CAMKMT: variants seen among roughly 807,000 people sequenced by gnomAD.
CAMKMT encodes the protein CaM KMT.
In CAMKMT, 53 loss-of-function variants were observed where a neutral mutation model predicts 48.0. The observed-to-expected ratio is 1.10, with a 90% confidence interval of 0.89 to 1.39. CAMKMT has a LOEUF of 1.39. CAMKMT is among the 40% of genes most tolerant of loss of function. CAMKMT has a pLI of 0.00. For missense variants in CAMKMT, 428 were observed against 402.7 expected (o/e 1.06, Z -0.54); for synonymous variants, 165 against 152.3 (o/e 1.08, Z -0.61).
chr2:44,596,878 G>T (rs990332249), intron 3 of CAMKMT, among the ~76,000 whole-genome samples: 2 of 152,062 alleles, frequency 1.3e-5, no homozygotes, highest in Admixed American at 6.6e-5. Context: ...TATTTTCATT[G>T]CCAACAGAAA....
At chr2:44,410,247 A>ATT (rs1164693728) in intron 3 of CAMKMT, among the ~76,000 whole-genome samples, 210 of 19,464 alleles carry the variant, frequency 0.011, 6 homozygotes, top group Non-Finnish European at 0.018. Flanking sequence ...ATATATATAT[A>ATT]TTTTTTTTTT....
At chr2:44,491,259 G>T (rs1237495512) in intron 3 of CAMKMT, among the ~76,000 whole-genome samples, 1 of 152,114 alleles carries the variant, frequency 6.6e-6, no homozygotes, top group African/African-American at 2.4e-5. Flanking sequence ...CCAATGGCTG[G>T]AGGGGATAGA....
At chr2:44,514,560 A>G (rs529436714) in intron 3 of CAMKMT, among the ~76,000 whole-genome samples, 1 of 152,296 alleles carries the variant, frequency 6.6e-6, no homozygotes, top group South Asian at 2.1e-4. Context: ...TTAATCAAGG[A>G]TGTCCAATTC....
chr2:44,627,923 C>G (rs1425111157), intron 3 of CAMKMT, among the ~76,000 whole-genome samples: 2 of 151,922 alleles, frequency 1.3e-5, no homozygotes, highest in African/African-American at 4.8e-5. Context: ...TGGTCTCTAA[C>G]TCCTGACCTC....
intron 3 of CAMKMT, among the ~76,000 whole-genome samples, chr2:44,664,195 A>G (rs1290311782): frequency 6.6e-6 from 1 of 152,258 alleles, no homozygotes; most frequent in Non-Finnish European, 1.5e-5. Context: ...TTGAATATAC[A>G]TTTAGTTGCC....
intron 3 of CAMKMT, among the ~76,000 whole-genome samples, chr2:44,421,258 T>G (rs1275368000): frequency 3.3e-5 from 5 of 152,200 alleles, no homozygotes; most frequent in Non-Finnish European, 5.9e-5. Flanking sequence ...AGAAAGACTT[T>G]TGTCTTTTGT....
At chr2:44,435,937 G>T (rs1666215435) in intron 3 of CAMKMT, among the ~76,000 whole-genome samples, 1 of 152,090 alleles carries the variant, frequency 6.6e-6, no homozygotes, top group African/African-American at 2.4e-5. Flanking sequence ...CATTCATTTT[G>T]CCTAGAAATC....
chr2:44,606,817 C>G (rs947482701), intron 3 of CAMKMT, among the ~76,000 whole-genome samples: 1 of 151,528 alleles, frequency 6.6e-6, no homozygotes, highest in Non-Finnish European at 1.5e-5. Context: ...GACCCCCCCC[C>G]CACCAAGATT....
At chr2:44,766,153 C>T (rs571989851) in intron 9 of CAMKMT, among the ~76,000 whole-genome samples, 2 of 152,210 alleles carry the variant, frequency 1.3e-5, no homozygotes, top group East Asian at 1.9e-4. Context: ...GCATATTGTT[C>T]GGAACACCGG....
chr2:44,508,809 G>T, intron 3 of CAMKMT, among the ~76,000 whole-genome samples: 1 of 151,968 alleles, frequency 6.6e-6, no homozygotes, highest in East Asian at 1.9e-4. Context: ...TAAATTGTAT[G>T]TCTCAGCTGG....
intron 6 of CAMKMT, among the ~76,000 whole-genome samples, chr2:44,713,087 C>A (rs1015234401): frequency 2.0e-5 from 3 of 151,912 alleles, no homozygotes; most frequent in African/African-American, 7.3e-5. Context: ...TAAAAAATTG[C>A]TTCTAGAATA....
chr2:44,471,076 C>T (rs1473854298), intron 3 of CAMKMT, among the ~76,000 whole-genome samples: 8 of 150,332 alleles, frequency 5.3e-5, no homozygotes, highest in African/African-American at 1.7e-4. Context: ...CTCACTGCAA[C>T]CTCCGCCTTC....
At chr2:44,558,082 T>C (rs540445553) in intron 3 of CAMKMT, among the ~76,000 whole-genome samples, 4 of 151,902 alleles carry the variant, frequency 2.6e-5, no homozygotes, top group South Asian at 2.1e-4. Flanking sequence ...TTCGATGAGA[T>C]CTTGCTCTGT....
At chr2:44,386,627 T>C (rs1680805307) in intron 2 of CAMKMT, among the ~76,000 whole-genome samples, 1 of 152,132 alleles carries the variant, frequency 6.6e-6, no homozygotes, top group Non-Finnish European at 1.5e-5. Flanking sequence ...TTGTGCTCTT[T>C]CAGTCATTTT....
intron 3 of CAMKMT, among the ~76,000 whole-genome samples, chr2:44,606,458 C>G (rs1236971871): frequency 1.3e-5 from 2 of 152,120 alleles, no homozygotes; most frequent in Non-Finnish European, 2.9e-5. Flanking sequence ...TGATGGCATT[C>G]AAACACCAGA....
At chr2:44,629,433 C>CTTTTTTT (rs897761983) in intron 3 of CAMKMT, among the ~76,000 whole-genome samples, 21 of 125,308 alleles carry the variant, frequency 1.7e-4, no homozygotes, top group Non-Finnish European at 2.7e-4. Context: ...TTCTTTCTTT[C>CTTTTTTT]TTTTTTTTTT....
intron 3 of CAMKMT, among the ~76,000 whole-genome samples, chr2:44,555,539 G>A (rs1173055314): frequency 2.6e-5 from 4 of 152,200 alleles, no homozygotes. Flanking sequence ...GCCTTTGGCT[G>A]TTGAGAAGGT....
intron 3 of CAMKMT, among the ~76,000 whole-genome samples, chr2:44,641,424 T>TA (rs1653721747): frequency 6.6e-6 from 1 of 152,098 alleles, no homozygotes; most frequent in African/African-American, 2.4e-5. Context: ...GCTGAGGTGA[T>TA]AACAGTCCTA....
Position 44,615,758 on chromosome 2 carries a change from G to C in CAMKMT, c.377-88525G>C, listed in dbSNP as rs534630231. 5.8e-4 allele frequency among the ~76,000 whole-genome samples: 88 copies of C among 152,224 alleles called. 1 individual carries two copies. In the South Asian group the frequency reaches 0.017, roughly 30 times the overall value. ...AATTTAAGTAACAATAGGATCTCCA[G>C]AATGAGAATAATAGGGGGACCCATA... On this transcript the variant is annotated intron_variant, in intron 3 of 10. Transcript: ENST00000378494.
Sources: gnomAD v4.1 joint callset for allele counts (sites outside exome capture counted in the v4.1 genomes callset) on GRCh38, gnomAD v4.1.1 for gene constraint, MANE v1.5 for transcripts, NCBI Gene and HGNC (gene_info 2026-07-23, HGNC 2026-07-21) for gene names.